The following EFHC2 variants were observed in gnomAD, a reference collection of about 807,000 sequenced individuals.
EFHC2 encodes the protein EF-hand domain-containing family member C2.
EFHC2 carries 18 observed loss-of-function variants against 52.7 expected under a neutral mutation model. That is an observed-to-expected ratio of 0.34 (90% confidence interval 0.24 to 0.51). EFHC2 has a LOEUF of 0.51. EFHC2 is among the 20% of genes least tolerant of loss of function. The probability of loss-of-function intolerance (pLI) is 0.97; values close to 1 mark genes in which losing one functional copy is unlikely to be tolerated. For missense variants in EFHC2, 513 were observed against 562.5 expected, an observed-to-expected ratio of 0.91 and a Z score of 0.89; for synonymous variants, 203 against 204.1, an observed-to-expected ratio of 0.99 and a Z score of 0.04.
intron 11 of EFHC2, among the ~76,000 whole-genome samples, chrX:44,186,634 G>A (rs948164172): frequency 9.0e-6 from 1 of 111,228 alleles, no homozygotes; most frequent in African/African-American, 3.3e-5. Flanking sequence ...CAATCAGGGG[G>A]CCTTACATGA....
At chrX:44,326,092 C>A (rs1007418904) in intron 1 of EFHC2, among the ~76,000 whole-genome samples, 2 of 108,596 alleles carry the variant, frequency 1.8e-5, no homozygotes, top group African/African-American at 6.7e-5. Context: ...CGAGATTTCA[C>A]CATGTTGCCC....
rs755006683 is a variant in EFHC2, at chrX:44,273,038, T to A, written c.232-202A>T. On this transcript the variant is annotated intron_variant, in intron 2 of 14. Transcript: ENST00000420999. ...ACATAAAGATTATTTAATACTTTTA[T>A]CACCATCTGGTTAAAACAAGGAAAT... 2.7e-5 allele frequency among the ~76,000 whole-genome samples: 3 copies of A among 112,732 alleles called. No homozygotes were observed. In the South Asian group the frequency reaches 1.1e-3, roughly 41 times the overall value.
Position 44,227,893 on chromosome X carries a change from C to T in EFHC2, c.1751+1756G>A, listed in dbSNP as rs6610906. On this transcript the variant is annotated intron_variant, in intron 11 of 14. Transcript: ENST00000420999. ...GTGACTGCATTTCAGGCAGAGGGAA[C>T]TTGGTGTGCATAGGCTCAGAGACAG... Among the ~76,000 whole-genome samples, 478 of 111,284 alleles carry T rather than the reference C, an allele frequency of 4.3e-3. 16 individuals carry two copies. In the East Asian group the frequency reaches 0.1, roughly 24 times the overall value.
intron 2 of EFHC2, chrX:44,283,882 C>T (rs2037732054): frequency 9.2e-6 from 1 of 108,581 alleles, no homozygotes; most frequent in African/African-American, 3.4e-5. Context: ...AAAAAGGAGG[C>T]GCCGGAGTGG....
intron 2 of EFHC2, among the ~76,000 whole-genome samples, chrX:44,296,665 GAAT>G (rs1218626472): frequency 9.0e-6 from 1 of 111,502 alleles, no homozygotes; most frequent in African/African-American, 3.3e-5. Context: ...TATTAGTTCA[GAAT>G]AATGAAAAAA....
At position 44,279,895 on chromosome X, in the gene EFHC2, G is replaced by A. The variant is rs767533238; in HGVS notation, c.232-7059C>T. On this transcript the variant is annotated intron_variant, in intron 2 of 14. Coordinates refer to ENST00000420999, the MANE Select transcript of EFHC2 (RefSeq NM_025184.4). ...CTAATAGACGTACCATGAAAAAAAA[G>A]TAACTGTAAAACAATAGTTCTCACC... is the stretch of plus-strand genomic sequence containing the variant. Among the ~76,000 whole-genome samples the A allele has an allele frequency of 6.3e-5, 7 of 110,275 alleles. No individual in the cohort carries two copies. In the East Asian group the frequency reaches 2.0e-3, roughly 31 times the overall value.
chrX:44,308,716 C>A (rs1325494262), intron 2 of EFHC2, among the ~76,000 whole-genome samples: 5 of 112,180 alleles, frequency 4.5e-5, no homozygotes, highest in Non-Finnish European at 5.6e-5. Context: ...ACAGGACTGA[C>A]TTTAAAGTTG....
At chrX:44,325,665 A>G (rs2038047397) in intron 1 of EFHC2, among the ~76,000 whole-genome samples, 1 of 107,498 alleles carries the variant, frequency 9.3e-6, no homozygotes, top group African/African-American at 3.4e-5. Flanking sequence ...TCTGTTTGCA[A>G]CCTCTATTTC....
chrX:44,154,702 CCAAAA>C (rs750933145), intron 14 of EFHC2, among the ~76,000 whole-genome samples: 1 of 109,658 alleles, frequency 9.1e-6, no homozygotes, highest in Admixed American at 9.7e-5. Context: ...AGACCCTGTC[CCAAAA>C]CAAAACAAAA....
intron 11 of EFHC2, among the ~76,000 whole-genome samples, chrX:44,227,041 A>T (rs1569288537): frequency 9.0e-6 from 1 of 110,787 alleles, no homozygotes; most frequent in Non-Finnish European, 1.9e-5. Flanking sequence ...CAAAAAAAAA[A>T]TGTACCCATT....
At chrX:44,274,813 G>A (rs1041793208) in intron 2 of EFHC2, among the ~76,000 whole-genome samples, 3 of 110,862 alleles carry the variant, frequency 2.7e-5, no homozygotes, top group African/African-American at 9.8e-5. Context: ...GATTGCTTGA[G>A]CCCAGGAGAT....
intron 11 of EFHC2, among the ~76,000 whole-genome samples, chrX:44,200,880 C>G (rs899219529): frequency 1.8e-5 from 2 of 111,665 alleles, no homozygotes; most frequent in Non-Finnish European, 3.8e-5. Context: ...TAACAAGAGA[C>G]GTACCAACAA....
At chrX:44,155,108 T>C (rs2036597497) in intron 14 of EFHC2, among the ~76,000 whole-genome samples, 1 of 111,796 alleles carries the variant, frequency 8.9e-6, no homozygotes, top group Non-Finnish European at 1.9e-5. Flanking sequence ...ACATAGTGTT[T>C]TCTGGAAGAA....
chrX:44,284,199 G>T (rs2037734598), intron 2 of EFHC2: 1 of 111,820 alleles, frequency 8.9e-6, no homozygotes, highest in Admixed American at 9.4e-5. Flanking sequence ...GATTAGGGCC[G>T]GCTCCAAAGA....
chrX:44,235,177 GT>G (rs1056608373), intron 9 of EFHC2, 127 bp downstream of exon 9: 133 of 548,585 alleles, frequency 2.4e-4, no homozygotes, highest in East Asian at 1.4e-3. Flanking sequence ...ATTGTTCAGG[GT>G]TTTTTTTTAT....
chrX:44,297,177 A>T lies in EFHC2; in HGVS notation c.231+15391T>A, dbSNP rs770486982. ...GGAATTCAGGCTAAGAGAGGTTAAA[A>T]ACATGGCCAGGATGAAATAGGTAAT... On this transcript the variant is annotated intron_variant, in intron 2 of 14. Transcript: ENST00000420999. 2.1e-4 allele frequency among the ~76,000 whole-genome samples: 23 copies of T among 112,069 alleles called. No homozygotes were observed. In the South Asian group the frequency reaches 4.9e-3, roughly 24 times the overall value.
At chrX:44,219,282 T>C (rs984595045) in intron 11 of EFHC2, among the ~76,000 whole-genome samples, 2 of 110,587 alleles carry the variant, frequency 1.8e-5, no homozygotes, top group African/African-American at 3.3e-5. Flanking sequence ...ATGTTCTATG[T>C]GTTAGTAGGG....
At chrX:44,255,438 A>C (rs1350438440) in intron 4 of EFHC2, among the ~76,000 whole-genome samples, 1 of 111,652 alleles carries the variant, frequency 9.0e-6, no homozygotes, top group Non-Finnish European at 1.9e-5. Flanking sequence ...TATTTACCAA[A>C]AAAATGGAAA....
At chrX:44,276,094 C>A (rs1321673624) in intron 2 of EFHC2, among the ~76,000 whole-genome samples, 4 of 110,664 alleles carry the variant, frequency 3.6e-5, no homozygotes, top group Non-Finnish European at 7.6e-5. Flanking sequence ...ATCCTCAAGG[C>A]ATTTGGAATT....
Sources: gnomAD v4.1 joint callset for allele counts (sites outside exome capture counted in the v4.1 genomes callset) on GRCh38, gnomAD v4.1.1 for gene constraint, MANE v1.5 for transcripts, NCBI Gene and HGNC (gene_info 2026-07-23, HGNC 2026-07-21) for gene names.